Variants in DYTN observed in about 807,000 individuals in gnomAD.
DYTN encodes dystrotelin.
DYTN carries 75 observed loss-of-function variants against 69.6 expected under a neutral mutation model. The observed-to-expected ratio is 1.08, with a 90% CI of 0.89 to 1.31. DYTN has a LOEUF of 1.31. Ranked by LOEUF, DYTN falls within the 50% of genes most tolerant of loss-of-function variation. DYTN has a pLI of 0.00. For synonymous variants in DYTN, 252 were observed against 249.1 expected (o/e 1.01, Z -0.11); for missense variants, 726 against 688.4 (o/e 1.05, Z -0.61).
chr2:206,708,625 T>C (rs1700049689), intron 2 of DYTN, among the ~76,000 whole-genome samples: 1 of 152,206 alleles, frequency 6.6e-6, no homozygotes, highest in Non-Finnish European at 1.5e-5. Flanking sequence ...CGATTTCATC[T>C]CCTGCTGAGA....
At chr2:206,652,043 A>G in intron 11 of DYTN, 122 bp from the exon 12 acceptor site, 1 of 847,718 alleles carries the variant, frequency 1.2e-6, no homozygotes, top group Non-Finnish European at 1.8e-6. Flanking sequence ...CTCAAGGACA[A>G]TGTCCTTAAG....
chr2:206,654,345 G>A (rs760342275), intron 11 of DYTN, among the ~76,000 whole-genome samples: 6 of 152,154 alleles, frequency 3.9e-5, no homozygotes, highest in East Asian at 1.9e-4. Context: ...CCTACTCAAC[G>A]TGAAGATGAT....
chr2:206,712,814 G>A (rs547100030), intron 1 of DYTN, among the ~76,000 whole-genome samples: 132 of 152,350 alleles, frequency 8.7e-4, no homozygotes, highest in African/African-American at 2.3e-3. Context: ...TGAGAGCACC[G>A]TCGCCTTCCC....
intron 9 of DYTN, among the ~76,000 whole-genome samples, chr2:206,675,957 T>G (rs1020503080): frequency 2.6e-5 from 4 of 152,176 alleles, no homozygotes; most frequent in Non-Finnish European, 5.9e-5. Context: ...TGTGGAGAAA[T>G]AGGAATGCTT....
intron 4 of DYTN, chr2:206,705,149 T>A: frequency 1.8e-6 from 1 of 554,784 alleles, no homozygotes. Context: ...CAGGTTAGAG[T>A]GCAATGGCAC....
At chr2:206,658,806 T>C (rs1364518469) in intron 11 of DYTN, among the ~76,000 whole-genome samples, 1 of 152,174 alleles carries the variant, frequency 6.6e-6, no homozygotes, top group Non-Finnish European at 1.5e-5. Flanking sequence ...AACCATGCCC[T>C]CCTAATATCA....
intron 9 of DYTN, among the ~76,000 whole-genome samples, chr2:206,680,646 G>A (rs1371899232): frequency 6.6e-6 from 1 of 152,022 alleles, no homozygotes; most frequent in Non-Finnish European, 1.5e-5. Context: ...ACTTTTCTAC[G>A]AAGGGGCACT....
intron 11 of DYTN, 41 bp from the exon 12 acceptor site, chr2:206,651,962 C>T (rs777212248): frequency 7.1e-6 from 11 of 1,549,006 alleles, no homozygotes; most frequent in East Asian, 4.5e-5. Flanking sequence ...AGAAACATAC[C>T]GGTAGCTTCT....
In DYTN at chr2:206,705,833, C is replaced by G; in HGVS notation, c.337G>C (p.Ala113Pro). Reference protein sequence around the residue: ...GFLQLMPAAAALITLSGDSPL... With the variant: ...GFLQLMPAAAPLITLSGDSPL... ...CTGTCTCCTGAGAGGGTTATTAGGG[C>G]AGCGGCCGCAGGCATAAGCTGGAGA... The change falls in exon 4 of 12, where the codon GCC becomes CCC. Residue 113 changes from alanine to proline, a missense_variant. Physicochemically the swap from Ala to Pro is conservative, Grantham distance 27. Coordinates refer to ENST00000452335, the MANE Select transcript of DYTN (RefSeq NM_001093730.1). 1 of 1,613,864 alleles carries G rather than the reference C, an allele frequency of 6.2e-7. No individual in the cohort carries two copies. The highest frequency in any genetic ancestry group is 8.5e-7 in the Non-Finnish European group (1 of 1,179,856).
At chr2:206,694,513 T>A (rs1236841337) in intron 8 of DYTN, among the ~76,000 whole-genome samples, 1 of 152,198 alleles carries the variant, frequency 6.6e-6, no homozygotes, top group Non-Finnish European at 1.5e-5. Context: ...TTCCAGAGTA[T>A]CTGATCAATC....
intron 7 of DYTN, among the ~76,000 whole-genome samples, chr2:206,699,495 T>C (rs553876929): frequency 6.6e-6 from 1 of 152,356 alleles, no homozygotes; most frequent in South Asian, 2.1e-4. Flanking sequence ...GAAAAATGTC[T>C]ATTAGTCACA....
At chr2:206,663,462 A>T (rs1355352653) in intron 10 of DYTN, 67 bp from the exon 11 acceptor site, 12 of 1,451,294 alleles carry the variant, frequency 8.3e-6, no homozygotes, top group Non-Finnish European at 1.1e-5. Flanking sequence ...AATGCATTAC[A>T]TTTCAACATT....
At chr2:206,697,324 C>T (rs747373485) in intron 7 of DYTN, among the ~76,000 whole-genome samples, 35 of 152,126 alleles carry the variant, frequency 2.3e-4, no homozygotes, top group Admixed American at 5.2e-4. Context: ...CCATGGCTAT[C>T]ACAGAGCAAA....
chr2:206,692,311 T>C (rs545803115), intron 9 of DYTN, among the ~76,000 whole-genome samples: 139 of 152,242 alleles, frequency 9.1e-4, no homozygotes, highest in African/African-American at 3.2e-3. Flanking sequence ...TTCTGCTATT[T>C]TAAATTACAA....
chr2:206,652,947 AAAT>A (rs1699404620), intron 11 of DYTN, among the ~76,000 whole-genome samples: 1 of 152,244 alleles, frequency 6.6e-6, no homozygotes, highest in Admixed American at 6.5e-5. Context: ...TAATTAATAA[AAAT>A]AAGATCACAG....
rs369626682 is a variant in DYTN at position 206,666,052 on chromosome 2, C to T, written c.981-23G>A. 9.9e-6 allele frequency: 16 copies of T among 1,609,632 alleles called. No homozygotes were observed. In the East Asian group the frequency reaches 1.6e-4, roughly 16 times the overall value. ...AGCCTGAAAAGAGAACAGATTTGAG[C>T]GGTTTGGAAGGGCAAGAGGCCAGTA... On this transcript the variant is annotated intron_variant, in intron 9 of 11. Transcript: ENST00000452335.
At position 206,679,875 on chromosome 2, in the gene DYTN, G is replaced by A. The variant is rs141038279; in HGVS notation, c.980+13300C>T. 8.1e-3 allele frequency among the ~76,000 whole-genome samples: 1,229 copies of A among 152,220 alleles called. 21 individuals are homozygous for A. Among genetic ancestry groups the A allele is most frequent in the Non-Finnish European group, 8.6e-3 (588 of 68,008 alleles). Reference sequence around the variant, plus strand: ...AACAAACCTTCTGAATGACAAACTCGATTCCTACCCCATCTGAGATCATTT... The same window carrying A: ...AACAAACCTTCTGAATGACAAACTCAATTCCTACCCCATCTGAGATCATTT... On this transcript the variant is annotated intron_variant, in intron 9 of 11. Transcript: ENST00000452335.
At chr2:206,716,465 A>C (rs1700131566) in intron 1 of DYTN, among the ~76,000 whole-genome samples, 1 of 152,214 alleles carries the variant, frequency 6.6e-6, no homozygotes, top group African/African-American at 2.4e-5. Context: ...CAAACAAGAG[A>C]GGTTGTTTAA....
At chr2:206,713,031 G>A (rs578044972) in intron 1 of DYTN, among the ~76,000 whole-genome samples, 1 of 152,362 alleles carries the variant, frequency 6.6e-6, no homozygotes, top group South Asian at 2.1e-4. Flanking sequence ...TGAACTTAGA[G>A]ATGGAGAGAA....
Sources: allele counts gnomAD v4.1 joint callset (sites outside exome capture counted in the v4.1 genomes callset), GRCh38; gene constraint gnomAD v4.1.1; transcripts MANE v1.5; gene names NCBI Gene and HGNC (gene_info 2026-07-23, HGNC 2026-07-21).